Variants in RP1 observed in about 807,000 individuals in gnomAD.
The protein encoded by RP1 is RP1 axonemal microtubule associated.
A neutral mutation model predicts 14.8 loss-of-function variants in RP1; 16 were observed. The ratio of observed to expected loss-of-function variants is 1.08; its 90% CI spans 0.73 to 1.65. The LOEUF (loss-of-function observed/expected upper bound fraction) is 1.65. RP1 is among the 40% of genes most tolerant of loss of function. The pLI, the probability that RP1 is intolerant of heterozygous loss-of-function variation, is 0.00. For missense variants in RP1, 2,631 were observed against 2,535.0 expected (o/e 1.04, Z -0.81); for synonymous variants, 876 against 883.6 (o/e 0.99, Z 0.15).
intron 24 of RP1, among the ~76,000 whole-genome samples, chr8:54,816,604 G>A (rs1401752708): frequency 6.6e-6 from 1 of 152,142 alleles, no homozygotes; most frequent in Non-Finnish European, 1.5e-5. Flanking sequence ...ATCGCCATCA[G>A]GGTCACCACC....
intron 24 of RP1, among the ~76,000 whole-genome samples, chr8:54,787,554 C>T (rs1019118936): frequency 6.6e-6 from 1 of 152,064 alleles, no homozygotes; most frequent in African/African-American, 2.4e-5. Flanking sequence ...ACTTATAAAC[C>T]TGCCCAGAAA....
chr8:54,679,925 A>G lies in RP1; in HGVS notation c.1709A>G (p.Asp570Gly), dbSNP rs1393038835. ...GTTGACGCCATTGGAGAGAAGACAG[A>G]CAAATATGGTAAAACTATCGTACAA... The change falls in exon 12 of 23, where the codon GAC becomes GGC. Residue 570 changes from aspartate (D) to glycine (G), a missense_variant. Asp to Gly is a moderately conservative substitution (Grantham distance 94). Coordinates refer to the RP1 transcript ENST00000636932. 3.9e-6 allele frequency: 6 copies of G among 1,535,854 alleles called. No individual in the cohort carries two copies. The African/African-American group carries it at 6.8e-5, about 18-fold the overall frequency.
chr8:54,826,714 T>C (rs966245914), intron 24 of RP1, among the ~76,000 whole-genome samples: 1 of 152,198 alleles, frequency 6.6e-6, no homozygotes, highest in Non-Finnish European at 1.5e-5. Context: ...CCCTACAAAA[T>C]ATTTACAAAA....
intron 25 of RP1, among the ~76,000 whole-genome samples, chr8:54,841,802 C>A: frequency 6.6e-6 from 1 of 152,156 alleles, no homozygotes; most frequent in Non-Finnish European, 1.5e-5. Context: ...GCGGCCTTGC[C>A]ACATATTCTG....
At chr8:54,667,630 G>A (rs1169036211) in intron 7 of RP1, among the ~76,000 whole-genome samples, 1 of 152,084 alleles carries the variant, frequency 6.6e-6, no homozygotes. Flanking sequence ...TTTCGGTGTG[G>A]ATATTTTCTC....
chr8:54,753,224 T>C (rs1821164725), intron 19 of RP1, among the ~76,000 whole-genome samples: 1 of 152,178 alleles, frequency 6.6e-6, no homozygotes, highest in Non-Finnish European at 1.5e-5. Flanking sequence ...TCATTAATGG[T>C]CAGGCGTGCT....
intron 1 of RP1, among the ~76,000 whole-genome samples, chr8:54,590,270 A>G (rs895242384): frequency 6.6e-6 from 1 of 152,150 alleles, no homozygotes; most frequent in Non-Finnish European, 1.5e-5. Context: ...CTGGCATTGT[A>G]TCACTCCTCT....
chr8:54,674,064 A>T, intron 8 of RP1: 1 of 653,964 alleles, frequency 1.5e-6, no homozygotes, highest in South Asian at 2.1e-5. Context: ...AAATCAAAAT[A>T]TTGTCTCCAA....
chr8:54,637,183 C>T (rs1457532136), intron 3 of RP1, among the ~76,000 whole-genome samples: 1 of 152,126 alleles, frequency 6.6e-6, no homozygotes, highest in Non-Finnish European at 1.5e-5. Flanking sequence ...CAGATAGAGT[C>T]TCATGAAATA....
At chr8:54,610,857 A>G (rs1370943974) in intron 1 of RP1, among the ~76,000 whole-genome samples, 2 of 152,140 alleles carry the variant, frequency 1.3e-5, no homozygotes, top group Admixed American at 6.5e-5. Context: ...TTTTTTTACA[A>G]TCTAATATAG....
chr8:54,591,690 C>A (rs535179203), intron 1 of RP1, among the ~76,000 whole-genome samples: 5 of 152,092 alleles, frequency 3.3e-5, no homozygotes, highest in African/African-American at 9.7e-5. Context: ...AGCTCACAAT[C>A]CTTTGGGTGG....
chr8:54,610,203 C>A (rs151055105), intron 1 of RP1, among the ~76,000 whole-genome samples: 1 of 152,220 alleles, frequency 6.6e-6, no homozygotes, highest in African/African-American at 2.4e-5. Context: ...CCATTTGACA[C>A]AGCTCATCAC....
chr8:54,626,580 A>C lies in RP1; in HGVS notation c.2698A>C (p.Lys900Gln). ...TRANSLASLKKPDFPEAIAHH... is the reference protein window; with the variant it reads ...TRANSLASLKQPDFPEAIAHH... ...GGCAAATTCTTTAGCTTCTTTGAAA[A>C]AACCTGATTTTCCTGAGGCTATTGC... The change falls in exon 4 of 4, where the codon AAA becomes CAA. Residue 900 changes from lysine (K) to glutamine (Q), a missense_variant. Coordinates refer to ENST00000220676, the MANE Select transcript of RP1 (RefSeq NM_006269.2). 1 of 1,613,434 alleles carries C rather than the reference A, an allele frequency of 6.2e-7. No individual in the cohort carries two copies. The highest frequency in any genetic ancestry group is 8.5e-7 in the Non-Finnish European group (1 of 1,179,836).
At chr8:54,753,585 G>A (rs1334225200) in intron 19 of RP1, among the ~76,000 whole-genome samples, 1 of 152,202 alleles carries the variant, frequency 6.6e-6, no homozygotes, top group African/African-American at 2.4e-5. Flanking sequence ...ACTGGTATGA[G>A]AGGGAATGTG....
intron 22 of RP1, among the ~76,000 whole-genome samples, chr8:54,759,953 G>T (rs1585668554): frequency 1.3e-5 from 2 of 152,164 alleles, no homozygotes; most frequent in East Asian, 3.9e-4. Context: ...AACAGGAAAT[G>T]AGATAACAAA....
chr8:54,807,675 T>TATCTATCTATC (rs10678922), intron 24 of RP1, among the ~76,000 whole-genome samples: 1,283 of 113,736 alleles, frequency 0.011, 15 homozygotes, highest in Middle Eastern at 0.012. Flanking sequence ...TCTATCTATC[T>TATCTATCTATC]ATTTATCTAT....
At chr8:54,614,394 A>C (rs1393790402), upstream of RP1, among the ~76,000 whole-genome samples, 1 of 152,132 alleles carries the variant, frequency 6.6e-6, no homozygotes, top group Non-Finnish European at 1.5e-5. Context: ...AGACTCACTT[A>C]TCAAAGGCGG....
At chr8:54,751,516 TCTTA>T (rs1399123760) in intron 19 of RP1, among the ~76,000 whole-genome samples, 14 of 152,232 alleles carry the variant, frequency 9.2e-5, no homozygotes, top group Non-Finnish European at 1.5e-4. Context: ...AAATAAACTT[TCTTA>T]CTTGTTTTCA....
intron 15 of RP1, among the ~76,000 whole-genome samples, chr8:54,707,674 C>T (rs2129345560): frequency 6.6e-6 from 1 of 152,342 alleles, no homozygotes; most frequent in African/African-American, 2.4e-5. Flanking sequence ...GAAGAACTTG[C>T]ATGAGCTTCT....
Sources: gnomAD v4.1 joint callset for allele counts (sites outside exome capture counted in the v4.1 genomes callset) on GRCh38, gnomAD v4.1.1 for gene constraint, MANE v1.5 for transcripts, NCBI Gene and HGNC (gene_info 2026-07-23, HGNC 2026-07-21) for gene names.